The following HDAC9 variants were observed in gnomAD, a reference collection of about 807,000 sequenced individuals.
The protein encoded by HDAC9 is MEF-2 interacting transcription repressor (MITR) protein.
In HDAC9, 41 loss-of-function variants were observed where a neutral mutation model predicts 139.4. The ratio of observed to expected loss-of-function variants is 0.29; its 90% CI spans 0.23 to 0.38. The LOEUF (loss-of-function observed/expected upper bound fraction) is 0.38, where lower values mean the gene tolerates loss of function less well. Among genes scored for constraint, HDAC9 ranks in the 10% least tolerant of loss-of-function variants. The pLI is 1.00. For synonymous variants in HDAC9, 517 were observed against 476.2 expected (o/e 1.09, Z -1.12); for missense variants, 1,147 against 1,297.0 (o/e 0.88, Z 1.78).
intron 23 of HDAC9, among the ~76,000 whole-genome samples, chr7:18,942,798 A>C (rs774183305): frequency 4.6e-5 from 7 of 151,986 alleles, no homozygotes; most frequent in Non-Finnish European, 1.0e-4. Flanking sequence ...AGAAATCAGC[A>C]AATACTACAA....
At chr7:18,584,367 A>G (rs1828809136) in intron 2 of HDAC9, among the ~76,000 whole-genome samples, 1 of 151,976 alleles carries the variant, frequency 6.6e-6, no homozygotes, top group African/African-American at 2.4e-5. Flanking sequence ...TGACCTCGTG[A>G]TCTGCCTGCC....
At chr7:18,709,676 C>T (rs1053203821) in intron 12 of HDAC9, among the ~76,000 whole-genome samples, 6 of 152,200 alleles carry the variant, frequency 3.9e-5, no homozygotes, top group Admixed American at 1.3e-4. Flanking sequence ...AAACCAGACA[C>T]ATTCTTCTCC....
chr7:18,645,038 A>T (rs544561912), intron 9 of HDAC9, among the ~76,000 whole-genome samples: 112 of 151,258 alleles, frequency 7.4e-4, no homozygotes, highest in South Asian at 6.3e-4. Context: ...TATAGCTTTT[A>T]AAAAAAAAGC....
At chr7:18,808,256 T>C (rs1251785564) in intron 17 of HDAC9, 2 of 152,172 alleles carry the variant, frequency 1.3e-5, no homozygotes, top group Non-Finnish European at 2.9e-5. Context: ...TGACAGATGT[T>C]GCAGTCAGAT....
intron 13 of HDAC9, among the ~76,000 whole-genome samples, chr7:18,732,921 A>ACACGTGTGCGTATGTGTATACG: frequency 8.1e-6 from 1 of 123,756 alleles, no homozygotes; most frequent in Non-Finnish European, 1.7e-5. Context: ...ATGTGTATAC[A>ACACGTGTGCGTATGTGTATACG]CACGTGTGTA....
intron 16 of HDAC9, among the ~76,000 whole-genome samples, chr7:18,768,121 C>T (rs192606059): frequency 1.8e-4 from 27 of 152,234 alleles, no homozygotes; most frequent in Admixed American, 1.0e-3. Flanking sequence ...CATTTGCCTC[C>T]GTGAGGACTT....
chr7:18,440,373 C>T (rs765821354), intron 1 of HDAC9, among the ~76,000 whole-genome samples: 1 of 151,448 alleles, frequency 6.6e-6, no homozygotes, highest in Non-Finnish European at 1.5e-5. Context: ...TTAGTAGAGG[C>T]GGGGTTTCTC....
intron 22 of HDAC9, among the ~76,000 whole-genome samples, chr7:18,932,435 C>G (rs1804827652): frequency 6.6e-6 from 1 of 152,036 alleles, no homozygotes; most frequent in Non-Finnish European, 1.5e-5. Context: ...TAAAATCATC[C>G]TTTTAAATTT....
chr7:18,621,488 A>G (rs1170504480), intron 6 of HDAC9, among the ~76,000 whole-genome samples: 2 of 152,146 alleles, frequency 1.3e-5, no homozygotes, highest in Middle Eastern at 3.2e-3. Flanking sequence ...CAAAATTGGT[A>G]TATTTGCAAT....
At chr7:18,711,274 TCCA>T (rs1784325396) in intron 12 of HDAC9, among the ~76,000 whole-genome samples, 1 of 152,188 alleles carries the variant, frequency 6.6e-6, no homozygotes, top group East Asian at 1.9e-4. Flanking sequence ...TCATATTGAT[TCCA>T]CCTTCTAAAT....
chr7:18,835,244 T>C (rs1796150271), intron 19 of HDAC9, among the ~76,000 whole-genome samples: 1 of 152,064 alleles, frequency 6.6e-6, no homozygotes, highest in Non-Finnish European at 1.5e-5. Context: ...TAGAAGCCAG[T>C]TTAAAAAATG....
At chr7:18,733,021 A>T (rs116144864) in intron 13 of HDAC9, among the ~76,000 whole-genome samples, 1 of 133,598 alleles carries the variant, frequency 7.5e-6, no homozygotes, top group Non-Finnish European at 1.5e-5. Flanking sequence ...GTATGTGTGT[A>T]TATATGTATA....
Position 18,793,287 on chromosome 7 carries a change from T to G in HDAC9, c.2215-58T>G. The G allele has an allele frequency of 2.5e-6, 3 of 1,213,350 alleles. No homozygotes were observed. The South Asian group carries it at 3.9e-5, about 16-fold the overall frequency. The allele number at this position is 1,213,350 out of a possible 1,614,324, so 75.2% of individuals were successfully genotyped here. ...CTCTTCCCCTTTTACCCCTTTCATC[T>G]CTTCCTTCTCTTTCGCTTTCTTCTT... On this transcript the variant is annotated intron_variant, in intron 16 of 25. Transcript: ENST00000686413.
chr7:18,530,782 A>T (rs1414579654), intron 2 of HDAC9, among the ~76,000 whole-genome samples: 1 of 149,240 alleles, frequency 6.7e-6, no homozygotes, highest in East Asian at 1.9e-4. Flanking sequence ...TATATATATA[A>T]AATATATATT....
chr7:18,444,533 A>C (rs1353332068), intron 1 of HDAC9, among the ~76,000 whole-genome samples: 1 of 152,008 alleles, frequency 6.6e-6, no homozygotes. Flanking sequence ...TTAGTACTTA[A>C]ATGGCTATTT....
At chr7:18,606,037 C>T (rs1008449348) in intron 6 of HDAC9, among the ~76,000 whole-genome samples, 2 of 152,130 alleles carry the variant, frequency 1.3e-5, no homozygotes, top group African/African-American at 4.8e-5. Flanking sequence ...CAATTCATGC[C>T]TCCAACACCT....
rs114240772 is a variant in HDAC9 at position 18,644,838 on chromosome 7, C to A, written c.1035+45C>A. The A allele has an allele frequency of 8.0e-4, 1,245 of 1,558,734 alleles. 20 individuals carry two copies. The African/African-American group carries it at 0.016, about 20-fold the overall frequency. On this transcript the variant is annotated intron_variant, in intron 9 of 25. Coordinates refer to ENST00000686413, the MANE Select transcript of HDAC9 (RefSeq NM_178425.4). ...CAGCCTTAATCAACCTAAGCAATAT[C>A]TTTTCACAGGGGAACTCTCTTTCGT...
chr7:18,818,190 A>G (rs879903469), intron 17 of HDAC9, among the ~76,000 whole-genome samples: 1 of 152,164 alleles, frequency 6.6e-6, no homozygotes, highest in Non-Finnish European at 1.5e-5. Flanking sequence ...CTGAGCATTG[A>G]TACTTTCGGA....
At chr7:18,889,381 T>C (rs1800470926) in intron 22 of HDAC9, among the ~76,000 whole-genome samples, 1 of 152,136 alleles carries the variant, frequency 6.6e-6, no homozygotes, top group African/African-American at 2.4e-5. Flanking sequence ...GGCTAAAATA[T>C]CACCTCAGCT....
Sources: allele counts gnomAD v4.1 joint callset (sites outside exome capture counted in the v4.1 genomes callset), GRCh38; gene constraint gnomAD v4.1.1; transcripts MANE v1.5; gene names NCBI Gene and HGNC (gene_info 2026-07-23, HGNC 2026-07-21).